Variants in ABCC9 observed in about 807,000 individuals in gnomAD.
The protein encoded by ABCC9 is ATP binding cassette subfamily C member 9, also known as ATP-binding cassette sub-family C member 9.
ABCC9 carries 95 observed loss-of-function variants against 188.3 expected under a neutral mutation model. The ratio of observed to expected loss-of-function variants is 0.50; its 90% confidence interval spans 0.43 to 0.60. The LOEUF (loss-of-function observed/expected upper bound fraction) is 0.60. Ranked by LOEUF, ABCC9 falls within the 20% of genes least tolerant of loss-of-function variation. The pLI, the probability that ABCC9 is intolerant of heterozygous loss-of-function variation, is 0.00. For synonymous variants in ABCC9, 659 were observed against 652.7 expected, an observed-to-expected ratio of 1.01 and a Z score of -0.15; for missense variants, 1,102 against 1,876.3, an observed-to-expected ratio of 0.59 and a Z score of 7.62.
chr12:21,908,902 A>G (rs1948177965), intron 10 of ABCC9, among the ~76,000 whole-genome samples: 1 of 151,872 alleles, frequency 6.6e-6, no homozygotes, highest in Admixed American at 6.6e-5. Flanking sequence ...AAAACTCAGA[A>G]TTTACCCCTG....
At chr12:21,928,275 G>A (rs1032855160) in intron 4 of ABCC9, among the ~76,000 whole-genome samples, 9 of 106,136 alleles carry the variant, frequency 8.5e-5, no homozygotes, top group Admixed American at 2.4e-4. Context: ...AGGATGGAAG[G>A]GGGAAAGGAA....
chr12:21,845,522 G>T, intron 26 of ABCC9, 81 bp downstream of exon 26: 1 of 1,075,282 alleles, frequency 9.3e-7, no homozygotes, highest in Non-Finnish European at 1.4e-6. Context: ...TGGGATATAA[G>T]CATCTAACTA....
rs760889253 is a variant in ABCC9, at chr12:21,882,807, G to A, written c.1978C>T (p.Arg660Trp). The change falls in exon 16 of 40, where the codon CGG (arginine) becomes TGG (tryptophan). Residue 660 changes from arginine (R) to tryptophan (W), a missense_variant. By Grantham distance (101) the Arg-to-Trp change is moderately radical. Coordinates refer to ENST00000261200, the MANE Select transcript of ABCC9 (RefSeq NM_020297.4). ...TCTGTTTCTGCGGGACGTAGACGCCGTGTTGATTGCTCATAGCTGTCCAGG... is the reference window on the plus strand; with the variant it reads ...TCTGTTTCTGCGGGACGTAGACGCCATGTTGATTGCTCATAGCTGTCCAGG... The part of the protein sequence containing the change: ...YHLDSYEQST[R>W]RLRPAETEDI... 1.3e-5 allele frequency: 21 copies of A among 1,613,842 alleles called. No homozygotes were observed. The highest frequency in any genetic ancestry group is 1.0e-4 in the Admixed American group (6 of 59,980).
intron 35 of ABCC9, 80 bp downstream of exon 35, chr12:21,814,564 T>C: frequency 8.3e-7 from 1 of 1,210,404 alleles, no homozygotes; most frequent in Non-Finnish European, 1.2e-6. Flanking sequence ...TGCTTTTGAT[T>C]TCTGCAGGAT....
In ABCC9 at chr12:21,936,671, T is replaced by C. The variant is rs1485712335; in HGVS notation, c.4A>G (p.Ser2Gly). ...ATGTTGTTACCACAAAATGAAAGGC[T>C]CATTTCTTCTTATATGGTTTACTCT... MSLSFCGNNISS... is the reference protein window; with the variant it reads MGLSFCGNNISS... Residue 2 changes from serine to glycine, a missense_variant, in exon 3 of 40, where the codon AGC (serine) becomes GGC (glycine). Coordinates refer to ENST00000261200, the MANE Select transcript of ABCC9 (RefSeq NM_020297.4). The C allele has an allele frequency of 6.2e-7, 1 of 1,607,926 alleles. No individual in the cohort carries two copies. The highest frequency in any genetic ancestry group is 1.3e-5 in the African/African-American group (1 of 74,880).
At chr12:21,870,081 A>G (rs776039737) in intron 18 of ABCC9, among the ~76,000 whole-genome samples, 30 of 152,138 alleles carry the variant, frequency 2.0e-4, no homozygotes, top group South Asian at 6.2e-4. Flanking sequence ...CCTGCCCTCT[A>G]AACCTTCACA....
At chr12:21,839,096 T>C (rs577629428) in intron 29 of ABCC9, among the ~76,000 whole-genome samples, 1 of 152,138 alleles carries the variant, frequency 6.6e-6, no homozygotes, top group Admixed American at 6.5e-5. Context: ...TGGGAGACAA[T>C]GTACAGGATG....
intron 24 of ABCC9, among the ~76,000 whole-genome samples, chr12:21,850,058 A>G (rs1219175421): frequency 6.6e-6 from 1 of 151,652 alleles, no homozygotes; most frequent in Non-Finnish European, 1.5e-5. Flanking sequence ...TTCTGGCTCT[A>G]GGCCAGACTT....
chr12:21,814,779 G>A (rs1026856795), intron 34 of ABCC9, 57 bp from the exon 35 acceptor site: 1 of 1,445,166 alleles, frequency 6.9e-7, no homozygotes. Flanking sequence ...CAGAAGATTA[G>A]CTTAAGTTTT....
intron 30 of ABCC9, among the ~76,000 whole-genome samples, chr12:21,832,623 A>T (rs1234226840): frequency 1.3e-5 from 2 of 152,194 alleles, no homozygotes; most frequent in Non-Finnish European, 2.9e-5. Context: ...AAATAAAAAA[A>T]AAAAATAGAT....
chr12:21,868,113 CCTCT>C (rs764696970), intron 18 of ABCC9, among the ~76,000 whole-genome samples: 53 of 152,212 alleles, frequency 3.5e-4, no homozygotes, highest in Admixed American at 7.2e-4. Flanking sequence ...ATTCCTCTCT[CCTCT>C]CTCTCATCTT....
In ABCC9 at chr12:21,854,391, G is replaced by A. The variant is rs563729199; in HGVS notation, c.2506-1886C>T. Reference sequence around the variant, plus strand: ...TAACAAAGCATTTTGATAGTTAAAGGGTAATTAAGAATTATAGGAGCCTTT... The same window carrying A: ...TAACAAAGCATTTTGATAGTTAAAGAGTAATTAAGAATTATAGGAGCCTTT... On this transcript the variant is annotated intron_variant, in intron 22 of 39. Transcript: ENST00000261200. 9.9e-5 allele frequency among the ~76,000 whole-genome samples: 15 copies of A among 152,198 alleles called. 1 individual carries two copies. In the South Asian group the frequency reaches 2.9e-3, roughly 29 times the overall value.
chr12:21,892,930 T>G (rs796163816), intron 14 of ABCC9, among the ~76,000 whole-genome samples: 8 of 152,328 alleles, frequency 5.3e-5, no homozygotes, highest in African/African-American at 1.9e-4. Context: ...CTTCATATAT[T>G]TAAAGGCTCA....
chr12:21,811,875 A>G (rs1334404868), intron 36 of ABCC9, among the ~76,000 whole-genome samples, 174 bp downstream of exon 36: 1 of 152,158 alleles, frequency 6.6e-6, no homozygotes, highest in Non-Finnish European at 1.5e-5. Context: ...ACATAATTTT[A>G]TAGGTTAATT....
At chr12:21,865,759 C>A (rs188383909) in intron 18 of ABCC9, among the ~76,000 whole-genome samples, 1 of 152,016 alleles carries the variant, frequency 6.6e-6, no homozygotes, top group South Asian at 2.1e-4. Context: ...GGTTAAATTC[C>A]GACTCTATTT....
chr12:21,866,637 A>T (rs1945797121), intron 18 of ABCC9, among the ~76,000 whole-genome samples: 1 of 152,178 alleles, frequency 6.6e-6, no homozygotes, highest in African/African-American at 2.4e-5. Context: ...TGCAACAAAT[A>T]TTTTTTAACA....
At chr12:21,819,482 A>G (rs1156854076) in intron 31 of ABCC9, among the ~76,000 whole-genome samples, 1 of 152,154 alleles carries the variant, frequency 6.6e-6, no homozygotes, top group Admixed American at 6.6e-5. Context: ...AGAACAACCA[A>G]TGATCCCAGC....
intron 16 of ABCC9, among the ~76,000 whole-genome samples, chr12:21,882,537 A>G (rs2137653231): frequency 6.6e-6 from 1 of 152,380 alleles, no homozygotes; most frequent in South Asian, 2.1e-4. Flanking sequence ...TTCAGAAGAA[A>G]GTCACATTCT....
chr12:21,934,092 G>T (rs1015558556), intron 3 of ABCC9, among the ~76,000 whole-genome samples, 169 bp from the exon 4 acceptor site: 1 of 151,966 alleles, frequency 6.6e-6, no homozygotes, highest in Non-Finnish European at 1.5e-5. Context: ...TTATTCAAAA[G>T]AATTACAATT....
Sources: gnomAD v4.1 joint callset for allele counts (sites outside exome capture counted in the v4.1 genomes callset) on GRCh38, gnomAD v4.1.1 for gene constraint, MANE v1.5 for transcripts, NCBI Gene and HGNC (gene_info 2026-07-23, HGNC 2026-07-21) for gene names.